E2F2: variants seen among roughly 807,000 people sequenced by gnomAD.
E2F2 encodes the protein transcription factor E2F2.
In E2F2, 22 loss-of-function variants were observed where a neutral mutation model predicts 42.2. The ratio of observed to expected loss-of-function variants is 0.52; its 90% CI spans 0.37 to 0.74. The LOEUF (loss-of-function observed/expected upper bound fraction) is 0.74. E2F2 is among the 30% of genes least tolerant of loss of function. E2F2 has a pLI of 0.00. For missense variants in E2F2, 481 were observed against 557.8 expected (o/e 0.86, Z 1.39); for synonymous variants, 248 against 251.6 (o/e 0.99, Z 0.13).
chr1:23,521,079 CAG>C lies in E2F2; in HGVS notation c.579-10_579-9del. ...TCAAACATTCCCCTGCCTCTGGGAA[CAG>C]AGCAGCCCCCCAGTGTCAGTCTGTG... On this transcript the variant is annotated splice_polypyrimidine_tract_variant and intron_variant, in intron 3 of 6. Coordinates refer to ENST00000361729, the MANE Select transcript of E2F2 (RefSeq NM_004091.4). 6.2e-7 allele frequency: 1 copy of C among 1,604,076 alleles called. No individual in the cohort carries two copies. Among genetic ancestry groups the C allele is most frequent in the Non-Finnish European group, 8.5e-7 (1 of 1,175,680 alleles).
intron 2 of E2F2, among the ~76,000 whole-genome samples, chr1:23,522,928 C>G (rs1180991198): frequency 6.6e-6 from 1 of 152,194 alleles, no homozygotes; most frequent in African/African-American, 2.4e-5. Flanking sequence ...TCATGAGCCT[C>G]AGGATCCTTC....
intron 4 of E2F2, among the ~76,000 whole-genome samples, chr1:23,519,970 T>C (rs1220577848): frequency 1.3e-5 from 2 of 150,324 alleles, no homozygotes; most frequent in Non-Finnish European, 3.0e-5. Context: ...CTCAGCTACT[T>C]GGAAGGCTGA....
rs749086879 is a variant in E2F2, at chr1:23,519,050, G to T, written c.818C>A (p.Pro273Gln). Reference protein sequence around the residue: ...EQTVIAVKAPPQTRLEVPDRT... With the variant: ...EQTVIAVKAPQQTRLEVPDRT... ...GTCGGGCACTTCCAGTCTCGTCTGC[G>T]GAGGGGCCTTGACGGCAATCACTGT... The change falls in exon 5 of 7, where the codon CCG becomes CAG. Residue 273 changes from proline to glutamine, a missense_variant. Physicochemically the swap from Pro to Gln is moderately conservative, Grantham distance 76. Coordinates refer to ENST00000361729, the MANE Select transcript of E2F2 (RefSeq NM_004091.4). 2 of 1,613,960 alleles carry T rather than the reference G, an allele frequency of 1.2e-6. No homozygotes were observed. The highest frequency in any genetic ancestry group is 3.3e-5 in the Admixed American group (2 of 59,992).
Position 23,524,388 on chromosome 1 carries a change from G to A in E2F2, c.353C>T (p.Pro118Leu), listed in dbSNP as rs749394365. ...GCCCCATCAGCACTGCTTACTTTTG[G>A]GGCTGGGGAGGCCATCCACTCTGAT... ...KCIRVDGLPSPKTPKSPGEKT... is the reference protein window; with the variant it reads ...KCIRVDGLPSLKTPKSPGEKT... Residue 118 changes from proline to leucine, a missense_variant, in exon 2 of 7, where the codon CCC becomes CTC. Pro to Leu is a moderately conservative substitution (Grantham distance 98). Coordinates refer to ENST00000361729, the MANE Select transcript of E2F2 (RefSeq NM_004091.4). 1 of 1,609,714 alleles carries A rather than the reference G, an allele frequency of 6.2e-7. No individual in the cohort carries two copies. Among genetic ancestry groups the A allele is most frequent in the South Asian group, 1.1e-5 (1 of 90,266 alleles).
Position 23,510,123 on chromosome 1 carries a change from C to T in E2F2, c.1071G>A (p.Gln357=). 4 of 1,602,212 alleles carry T rather than the reference C, an allele frequency of 2.5e-6. No individual in the cohort carries two copies. The highest frequency in any genetic ancestry group is 3.4e-6 in the Non-Finnish European group (4 of 1,175,044). ...CCAGGGATGGAGGCGGTGGGGCCTG[C>T]TGGGGGGTTGGCGCTGGTGCTGGCA... ...SSVPAPAPTP[Q]QAPPPPSLVP... The change falls in exon 7 of 7, where the codon CAG becomes CAA. Residue 357 remains glutamine (Q), a synonymous_variant. Coordinates refer to ENST00000361729, the MANE Select transcript of E2F2 (RefSeq NM_004091.4).
In E2F2 at chr1:23,509,897, C is replaced by T. The variant is rs763598357; in HGVS notation, c.1297G>A (p.Asp433Asn). 1.3e-6 allele frequency: 2 copies of T among 1,555,322 alleles called. No homozygotes were observed. Among genetic ancestry groups the T allele is most frequent in the Non-Finnish European group, 1.7e-6 (2 of 1,147,206 alleles). ...SDLFDSYDLG[D>N]LLIN ...AGGGCCACTCAATTAATCAACAGGT[C>T]CCCAAGGTCGTAGGAGTCGAAGAGA... The change falls in exon 7 of 7, where the codon GAC (aspartate) becomes AAC (asparagine). Residue 433 changes from aspartate to asparagine, a missense_variant. Asp to Asn is a conservative substitution (Grantham distance 23, BLOSUM62 1). Coordinates refer to ENST00000361729, the MANE Select transcript of E2F2 (RefSeq NM_004091.4).
chr1:23,519,203 C>T, intron 4 of E2F2, 73 bp from the exon 5 acceptor site: 1 of 1,015,886 alleles, frequency 9.8e-7, no homozygotes. Flanking sequence ...GGAGCACCTT[C>T]ACCCACCTCT....
At chr1:23,529,832 C>T (rs887104748) in intron 1 of E2F2, among the ~76,000 whole-genome samples, 8 of 152,200 alleles carry the variant, frequency 5.3e-5, no homozygotes, top group Admixed American at 4.6e-4. Flanking sequence ...TCCAGGAATT[C>T]CACTCCCACA....
rs763074777 is a variant in E2F2 at position 23,530,654 on chromosome 1, G to C, written c.140C>G (p.Pro47Arg). Residue 47 changes from proline to arginine, a missense_variant, in exon 1 of 7, where the codon CCG (proline) becomes CGG (arginine). Pro to Arg is a moderately radical substitution (Grantham distance 103). Transcript: ENST00000361729. This position sits in a 1 kb window ranked among gnomAD's most constrained non-coding sequence, Gnocchi z 4.4. ...LCPATATYYT[P>R]LYPQTAPPAA... ...GGGAGGCGCCGTCTGCGGGTACAGC[G>C]GTGTGTAGTAGGTAGCAGTAGCTGG... 3.1e-6 allele frequency: 5 copies of C among 1,613,254 alleles called. No homozygotes were observed. The highest frequency in any genetic ancestry group is 1.7e-5 in the Admixed American group (1 of 59,962).
chr1:23,513,251 C>G (rs565529312), intron 6 of E2F2, among the ~76,000 whole-genome samples: 2 of 151,624 alleles, frequency 1.3e-5, no homozygotes, highest in African/African-American at 4.9e-5. Context: ...TAAAGTGATT[C>G]ACTCACAGTC....
At chr1:23,505,624 T>C (rs1262311226), downstream of E2F2, among the ~76,000 whole-genome samples, 1 of 152,228 alleles carries the variant, frequency 6.6e-6, no homozygotes, top group Non-Finnish European at 1.5e-5. Flanking sequence ...GTGATTCTCC[T>C]GACTCAGCCT....
At chr1:23,514,624 T>G (rs1410097806) in intron 6 of E2F2, among the ~76,000 whole-genome samples, 3 of 150,922 alleles carry the variant, frequency 2.0e-5, no homozygotes, top group Non-Finnish European at 4.4e-5. Context: ...GGTCAAGGGT[T>G]CAAGACCAGG....
At position 23,531,088 on chromosome 1, in the gene E2F2, C is replaced by T. The variant is rs1021129610; in HGVS notation, c.-295G>A. On this transcript the variant is annotated 5_prime_UTR_variant, in exon 1 of 7. Coordinates refer to ENST00000361729, the MANE Select transcript of E2F2 (RefSeq NM_004091.4). ...GGACGCCCCGCGCTCCCCAAGGCCT[C>T]GGCACCTGGGGTCCGGCCGGCTCTG... The T allele has an allele frequency of 8.9e-6, 3 of 338,586 alleles. No homozygotes were observed. Among genetic ancestry groups the T allele is most frequent in the African/African-American group, 4.3e-5 (2 of 47,030 alleles). The allele number at this position is 338,586 out of a possible 1,614,324, so 21.0% of individuals were successfully genotyped here. A position where few individuals can be genotyped will look rare whatever the true frequency, so the allele number is the denominator to read the frequency against.
chr1:23,518,514 A>T (rs1363352739), intron 5 of E2F2, among the ~76,000 whole-genome samples: 2 of 152,006 alleles, frequency 1.3e-5, no homozygotes, highest in Non-Finnish European at 2.9e-5. Flanking sequence ...ACAAAACAGA[A>T]GATCTCATAC....
chr1:23,525,676 T>G (rs1643238969), intron 1 of E2F2, among the ~76,000 whole-genome samples: 1 of 152,208 alleles, frequency 6.6e-6, no homozygotes, highest in Admixed American at 6.5e-5. Context: ...AGAAAGACCC[T>G]GGTTAGCTCC....
intron 5 of E2F2, among the ~76,000 whole-genome samples, chr1:23,518,249 T>G (rs928076931): frequency 5.9e-5 from 9 of 151,756 alleles, no homozygotes; most frequent in African/African-American, 2.2e-4. Flanking sequence ...AGGTGGATCA[T>G]GAGGTCAGGA....
In E2F2 at chr1:23,509,045, A is replaced by G. The variant is rs1411024954; in HGVS notation, c.*835T>C. 2.6e-5 allele frequency: 4 copies of G among 152,082 alleles called. No individual in the cohort carries two copies. The highest frequency in any genetic ancestry group is 4.4e-5 in the Non-Finnish European group (3 of 68,056). The allele number at this position is 152,082 out of a possible 1,614,324, so 9.4% of individuals were successfully genotyped here. A position where few individuals can be genotyped will look rare whatever the true frequency, so the allele number is the denominator to read the frequency against. On this transcript the variant is annotated 3_prime_UTR_variant, in exon 7 of 7. Transcript: ENST00000361729. ...CACGGGAGCTTGTCTCTGCTGGACC[A>G]TTTTTACATCTCAAGGGGAGAGGTA...
chr1:23,514,417 T>C (rs1642974793), intron 6 of E2F2, among the ~76,000 whole-genome samples: 3 of 151,750 alleles, frequency 2.0e-5, no homozygotes, highest in African/African-American at 4.8e-5. Context: ...TAGAGAAGAG[T>C]TGGGAGGCTG....
chr1:23,510,433 C>T (rs1008157927), intron 6 of E2F2, among the ~76,000 whole-genome samples: 105 of 152,298 alleles, frequency 6.9e-4, no homozygotes, highest in African/African-American at 2.4e-3. Flanking sequence ...TCAAGCGATT[C>T]TCCCACCTGA....
Sources: allele counts gnomAD v4.1 joint callset (sites outside exome capture counted in the v4.1 genomes callset), GRCh38; gene constraint gnomAD v4.1.1; non-coding constraint Gnocchi (gnomAD v3.1); transcripts MANE v1.5; gene names NCBI Gene and HGNC (gene_info 2026-07-23, HGNC 2026-07-21).